TRAPPC12: variants seen among roughly 807,000 people sequenced by gnomAD.
TRAPPC12 encodes TPR repeat protein 15.
TRAPPC12 carries 61 observed loss-of-function variants against 69.2 expected under a neutral mutation model. The observed-to-expected ratio is 0.88, with a 90% CI of 0.72 to 1.09. The LOEUF is 1.09. Ranked by LOEUF, TRAPPC12 falls within the 50% of genes least tolerant of loss-of-function variation. The probability of loss-of-function intolerance (pLI) is 0.00; values close to 1 mark genes in which losing one functional copy is unlikely to be tolerated. For missense variants in TRAPPC12, 1,101 were observed against 1,016.4 expected, an observed-to-expected ratio of 1.08 and a Z score of -1.13; for synonymous variants, 469 against 438.9, an observed-to-expected ratio of 1.07 and a Z score of -0.86.
At chr2:3,383,885 T>G (rs1426022114) in intron 1 of TRAPPC12, among the ~76,000 whole-genome samples, 4 of 18,412 alleles carry the variant, frequency 2.2e-4, no homozygotes, top group East Asian at 5.4e-3. Context: ...TTTTTTTTTT[T>G]TTTTTTTTTT....
At chr2:3,382,618 A>G (rs1660269276) in intron 1 of TRAPPC12, among the ~76,000 whole-genome samples, 2 of 152,174 alleles carry the variant, frequency 1.3e-5, no homozygotes, top group South Asian at 4.1e-4. Flanking sequence ...TTAAGAGTGA[A>G]AGGAGACACT....
chr2:3,442,805 G>A (rs1664291977), intron 5 of TRAPPC12, among the ~76,000 whole-genome samples: 1 of 152,174 alleles, frequency 6.6e-6, no homozygotes, highest in African/African-American at 2.4e-5. Flanking sequence ...TACATTAAGT[G>A]GCTTGCAGAA....
rs1451591826 is a variant in TRAPPC12, at chr2:3,388,140, G to A, written c.517G>A (p.Asp173Asn). The stretch of plus-strand genomic sequence containing the variant: ...CCAGCGCGCGCCCCCAGCCTCCGGG[G>A]ACGGCTTCGAGCCGCAGATGGTGAA... ...FSQRAPPASGDGFEPQMVKSP... is the reference protein window; with the variant it reads ...FSQRAPPASGNGFEPQMVKSP... The change falls in exon 2 of 12, where the codon GAC becomes AAC. Residue 173 changes from aspartate to asparagine, a missense_variant. By Grantham distance (23) the Asp-to-Asn change is conservative (BLOSUM62 1). Coordinates refer to ENST00000324266, the MANE Select transcript of TRAPPC12 (RefSeq NM_016030.6). 1.3e-6 allele frequency: 2 copies of A among 1,598,858 alleles called. No individual in the cohort carries two copies. The highest frequency in any genetic ancestry group is 1.7e-6 in the Non-Finnish European group (2 of 1,174,682).
At chr2:3,431,209 A>C (rs1663417507) in intron 5 of TRAPPC12, among the ~76,000 whole-genome samples, 1 of 152,218 alleles carries the variant, frequency 6.6e-6, no homozygotes, top group African/African-American at 2.4e-5. Context: ...CATCGAGTAC[A>C]GTGGGATGCA....
intron 5 of TRAPPC12, among the ~76,000 whole-genome samples, chr2:3,428,224 C>T (rs182905165): frequency 6.6e-6 from 1 of 152,340 alleles, no homozygotes; most frequent in Admixed American, 6.5e-5. Context: ...AAAGAGAAGA[C>T]AGCAGCTACG....
rs34956958 is a variant in TRAPPC12, at chr2:3,383,871, G to GTTTTTTTTTTTT, written c.-4-3719_-4-3708dup. Among the ~76,000 whole-genome samples the GTTTTTTTTTTTT allele has an allele frequency of 7.1e-4, 61 of 85,576 alleles. 7 individuals are homozygous for GTTTTTTTTTTTT. The highest frequency in any genetic ancestry group is 1.3e-3 in the Non-Finnish European group (55 of 42,888). The allele number at this position is 85,576 out of a possible 152,430, so 56.1% of individuals were successfully genotyped here. ...TATTCCCTTGTGATAGTTCAGTCTT[G>GTTTTTTTTTTTT]TTTTTTTTTTTTTTTTTTTTTTTTT... On this transcript the variant is annotated intron_variant, in intron 1 of 11. Transcript: ENST00000324266.
chr2:3,430,824 C>G (rs1663387265), intron 5 of TRAPPC12, among the ~76,000 whole-genome samples: 1 of 152,230 alleles, frequency 6.6e-6, no homozygotes, highest in East Asian at 1.9e-4. Flanking sequence ...AGACAGCTTT[C>G]CAAAACGTTT....
chr2:3,465,997 C>G (rs553903087), intron 9 of TRAPPC12, among the ~76,000 whole-genome samples: 3 of 152,208 alleles, frequency 2.0e-5, no homozygotes, highest in African/African-American at 7.2e-5. Flanking sequence ...CTGACTAAAC[C>G]GTGAGGAATC....
At chr2:3,464,124 TCACACACACACGTC>T (rs148196352) in intron 8 of TRAPPC12, among the ~76,000 whole-genome samples, 1,605 of 151,884 alleles carry the variant, frequency 0.011, 25 homozygotes, top group East Asian at 0.066. Context: ...GTGAGGGAGC[TCACACACACACGTC>T]CACACACACA....
chr2:3,436,795 AC>A (rs1288750819), intron 5 of TRAPPC12, among the ~76,000 whole-genome samples: 2 of 75,336 alleles, frequency 2.7e-5, no homozygotes, highest in African/African-American at 1.2e-4. Context: ...ATACCCCATC[AC>A]CCCTGAATTA....
intron 3 of TRAPPC12, among the ~76,000 whole-genome samples, chr2:3,417,219 C>T (rs115200621): frequency 6.6e-6 from 1 of 152,128 alleles, no homozygotes; most frequent in Admixed American, 6.5e-5. Context: ...CCGGCCTGCC[C>T]TGGGTGGGTA....
intron 3 of TRAPPC12, chr2:3,421,561 T>C: frequency 1.8e-6 from 1 of 542,592 alleles, no homozygotes; most frequent in Non-Finnish European, 3.6e-6. Context: ...GTCATATAGA[T>C]TGAGAGATGT....
chr2:3,422,318 G>T (rs1033414225), intron 4 of TRAPPC12, among the ~76,000 whole-genome samples: 7 of 152,146 alleles, frequency 4.6e-5, no homozygotes, highest in African/African-American at 1.7e-4. Context: ...GGCGTGTCTG[G>T]GCCCGGTAGG....
intron 3 of TRAPPC12, among the ~76,000 whole-genome samples, chr2:3,413,624 A>C (rs1662180540): frequency 6.6e-6 from 1 of 152,198 alleles, no homozygotes; most frequent in Admixed American, 6.5e-5. Context: ...GATACAAGAC[A>C]CTGTATGTTT....
intron 6 of TRAPPC12, among the ~76,000 whole-genome samples, chr2:3,445,705 G>A (rs1052168941): frequency 1.3e-5 from 2 of 152,248 alleles, no homozygotes; most frequent in African/African-American, 4.8e-5. Context: ...CAAGTCATCT[G>A]GCTCTAAAGT....
chr2:3,448,823 A>G (rs1194083945), intron 6 of TRAPPC12, among the ~76,000 whole-genome samples: 2 of 151,124 alleles, frequency 1.3e-5, no homozygotes, highest in Non-Finnish European at 2.9e-5. Context: ...GGCTCCTGGT[A>G]AGGGAGCAGA....
chr2:3,478,588 C>T (rs1572217131), intron 10 of TRAPPC12: 6 of 345,422 alleles, frequency 1.7e-5, no homozygotes, highest in South Asian at 4.5e-5. Context: ...GAGCCGAGAT[C>T]GTGCCACTGC....
intron 9 of TRAPPC12, among the ~76,000 whole-genome samples, chr2:3,471,431 A>T (rs1161141530): frequency 6.6e-6 from 1 of 152,222 alleles, no homozygotes; most frequent in African/African-American, 2.4e-5. Context: ...CCCGCCAGAC[A>T]GGTGACAGCC....
At chr2:3,463,738 A>C (rs1665642384) in intron 8 of TRAPPC12, among the ~76,000 whole-genome samples, 1 of 151,776 alleles carries the variant, frequency 6.6e-6, no homozygotes, top group Non-Finnish European at 1.5e-5. Context: ...CAGTGGCGTG[A>C]GTGGGGCACT....
Sources: allele counts gnomAD v4.1 joint callset (sites outside exome capture counted in the v4.1 genomes callset), GRCh38; gene constraint gnomAD v4.1.1; transcripts MANE v1.5; gene names NCBI Gene and HGNC (gene_info 2026-07-23, HGNC 2026-07-21).